The following KDM4C variants were observed in gnomAD, a reference collection of about 807,000 sequenced individuals.
KDM4C encodes the protein lysine demethylase 4C.
In KDM4C, 81 loss-of-function variants were observed where a neutral mutation model predicts 129.3. That is an observed-to-expected ratio of 0.63 (90% CI 0.52 to 0.75). The LOEUF is 0.75. Among genes scored for constraint, KDM4C ranks in the 30% least tolerant of loss-of-function variants. The probability of loss-of-function intolerance (pLI) is 0.00; values close to 1 mark genes in which losing one functional copy is unlikely to be tolerated. For missense variants in KDM4C, 1,457 were observed against 1,304.0 expected (o/e 1.12, Z -1.81); for synonymous variants, 573 against 456.1 (o/e 1.26, Z -3.26).
chr9:7,037,081 T>C (rs1179524062), intron 15 of KDM4C, among the ~76,000 whole-genome samples: 1 of 152,198 alleles, frequency 6.6e-6, no homozygotes, highest in Non-Finnish European at 1.5e-5. Context: ...GAGCCACATA[T>C]CCAGAAATGG....
At chr9:6,959,827 T>G (rs1327918671) in intron 8 of KDM4C, among the ~76,000 whole-genome samples, 2 of 152,284 alleles carry the variant, frequency 1.3e-5, no homozygotes, top group Admixed American at 1.3e-4. Flanking sequence ...GCCTGTCAAC[T>G]TAATTTATCA....
intron 1 of KDM4C, among the ~76,000 whole-genome samples, chr9:6,747,302 C>G (rs1286127278): frequency 6.6e-6 from 1 of 151,980 alleles, no homozygotes. Context: ...AATCCCAGCA[C>G]TTTGGGAGGC....
At chr9:7,094,697 A>AGGTCACCCGGGACATGTCT (rs1276567198) in intron 17 of KDM4C, among the ~76,000 whole-genome samples, 1 of 152,178 alleles carries the variant, frequency 6.6e-6, no homozygotes, top group Non-Finnish European at 1.5e-5. Context: ...TTCCTCTGAA[A>AGGTCACCCGGGACATGTCT]GGTCACCCGG....
intron 2 of KDM4C, among the ~76,000 whole-genome samples, chr9:6,798,404 G>A (rs961838964): frequency 6.6e-6 from 1 of 152,004 alleles, no homozygotes; most frequent in Non-Finnish European, 1.5e-5. Context: ...GAGTGTTTGT[G>A]TCCCTGGGTA....
chr9:7,028,678 C>A (rs1455056543), intron 15 of KDM4C, among the ~76,000 whole-genome samples: 1 of 152,114 alleles, frequency 6.6e-6, no homozygotes, highest in Non-Finnish European at 1.5e-5. Context: ...GTGGCCTAGA[C>A]TGCCTTTCAT....
intron 15 of KDM4C, among the ~76,000 whole-genome samples, chr9:7,024,499 A>G (rs1825461455): frequency 6.7e-6 from 1 of 150,092 alleles, no homozygotes; most frequent in South Asian, 2.1e-4. Flanking sequence ...CCACCCCACA[A>G]CAGTCCCTGG....
chr9:7,033,742 G>T (rs977819078), intron 15 of KDM4C, among the ~76,000 whole-genome samples: 4 of 152,178 alleles, frequency 2.6e-5, no homozygotes, highest in African/African-American at 9.7e-5. Context: ...ATAGCTTCTT[G>T]ATTGAGAACA....
intron 15 of KDM4C, among the ~76,000 whole-genome samples, chr9:7,025,114 C>T (rs1338553642): frequency 6.6e-6 from 1 of 152,078 alleles, no homozygotes; most frequent in Non-Finnish European, 1.5e-5. Flanking sequence ...TATATAGTGA[C>T]CTTATTTTTC....
chr9:6,992,653 A>G (rs1818963590), intron 12 of KDM4C, among the ~76,000 whole-genome samples: 1 of 152,208 alleles, frequency 6.6e-6, no homozygotes, highest in Non-Finnish European at 1.5e-5. Context: ...TGCAAAGTTG[A>G]AAGTGAATAA....
chr9:6,963,476 C>G (rs1181132338), intron 8 of KDM4C, among the ~76,000 whole-genome samples: 1 of 152,136 alleles, frequency 6.6e-6, no homozygotes, highest in African/African-American at 2.4e-5. Context: ...GCCGCATATT[C>G]ATGGCATTGA....
chr9:6,906,089 GA>G (rs2131027104), intron 8 of KDM4C, among the ~76,000 whole-genome samples: 1 of 152,206 alleles, frequency 6.6e-6, no homozygotes, highest in East Asian at 1.9e-4. Flanking sequence ...GAAACATTTT[GA>G]GGTTGGAAAG....
At position 7,011,891 on chromosome 9, in the gene KDM4C, T is replaced by G; in HGVS notation, c.1968+12T>G. On this transcript the variant is annotated intron_variant, in intron 13 of 21. Transcript: ENST00000381309. ...TGCCGTACCACAAGGTAAAGGAGCC[T>G]GCTATCATAGTTCCCTTCACTGCTC... 2 of 1,609,012 alleles carry G rather than the reference T, an allele frequency of 1.2e-6. No individual in the cohort carries two copies. Among genetic ancestry groups the G allele is most frequent in the Non-Finnish European group, 1.7e-6 (2 of 1,176,582 alleles).
At chr9:6,998,691 G>A (rs1487249541) in intron 12 of KDM4C, among the ~76,000 whole-genome samples, 4 of 152,180 alleles carry the variant, frequency 2.6e-5, no homozygotes, top group Non-Finnish European at 5.9e-5. Flanking sequence ...AGCTACTTGG[G>A]AGGCTGAGGC....
chr9:6,733,002 G>A (rs1817403783), intron 1 of KDM4C, among the ~76,000 whole-genome samples: 1 of 151,752 alleles, frequency 6.6e-6, no homozygotes, highest in Non-Finnish European at 1.5e-5. Flanking sequence ...GACAGGGCAA[G>A]ACTCCGTCTC....
At chr9:6,850,189 G>A (rs7048410) in intron 5 of KDM4C, among the ~76,000 whole-genome samples, 21 of 152,288 alleles carry the variant, frequency 1.4e-4, no homozygotes, top group African/African-American at 5.1e-4. Flanking sequence ...TGGCGAAATT[G>A]CCTAACAACA....
Position 7,046,823 on chromosome 9 carries a change from T to C in KDM4C, c.2260-39T>C, listed in dbSNP as rs182196170. The C allele has an allele frequency of 4.2e-5, 58 of 1,385,596 alleles. No individual in the cohort carries two copies. In the East Asian group the frequency reaches 1.2e-3, roughly 28 times the overall value. The allele number at this position is 1,385,596 out of a possible 1,614,324, so 85.8% of individuals were successfully genotyped here. ...ATGAATGGTAATGACTTTTGTTATG[T>C]GGGTCTGGTCATCATGTGGTATTTT... is the stretch of plus-strand genomic sequence containing the variant. On this transcript the variant is annotated intron_variant, in intron 15 of 21. Coordinates refer to ENST00000381309, the MANE Select transcript of KDM4C (RefSeq NM_015061.6).
chr9:6,927,678 A>G (rs1589147505), intron 8 of KDM4C, among the ~76,000 whole-genome samples: 3 of 152,250 alleles, frequency 2.0e-5, no homozygotes, highest in African/African-American at 7.2e-5. Flanking sequence ...AAATCACAAT[A>G]TGCCACTTTG....
At chr9:7,071,196 T>G (rs1684899486) in intron 17 of KDM4C, among the ~76,000 whole-genome samples, 1 of 152,222 alleles carries the variant, frequency 6.6e-6, no homozygotes, top group Non-Finnish European at 1.5e-5. Context: ...TACACCTGAT[T>G]GGAAGACACA....
At chr9:6,783,204 A>G (rs1342105195) in intron 1 of KDM4C, among the ~76,000 whole-genome samples, 2 of 152,102 alleles carry the variant, frequency 1.3e-5, no homozygotes, top group Admixed American at 6.6e-5. Flanking sequence ...CTGTGGTATA[A>G]TAACCGCCTG....
Sources: allele counts gnomAD v4.1 joint callset (sites outside exome capture counted in the v4.1 genomes callset), GRCh38; gene constraint gnomAD v4.1.1; transcripts MANE v1.5; gene names NCBI Gene and HGNC (gene_info 2026-07-23, HGNC 2026-07-21).